The following KAZN variants were observed in gnomAD, a reference collection of about 807,000 sequenced individuals.
The protein encoded by KAZN is kazrin, periplakin interacting protein.
KAZN carries 40 observed loss-of-function variants against 87.4 expected under a neutral mutation model. The ratio of observed to expected loss-of-function variants is 0.46; its 90% CI spans 0.36 to 0.60. The LOEUF (loss-of-function observed/expected upper bound fraction) is 0.60. KAZN is among the 20% of genes least tolerant of loss of function. KAZN has a pLI of 0.00. For synonymous variants in KAZN, 466 were observed against 458.3 expected, an observed-to-expected ratio of 1.02 and a Z score of -0.22; for missense variants, 898 against 1,073.9, an observed-to-expected ratio of 0.84 and a Z score of 2.29.
chr1:14,093,749 G>T (rs1357176464), intron 1 of KAZN, among the ~76,000 whole-genome samples: 4 of 152,162 alleles, frequency 2.6e-5, no homozygotes, highest in Non-Finnish European at 5.9e-5. Flanking sequence ...TGACACAAAA[G>T]TCTTCAGATT....
intron 1 of KAZN, among the ~76,000 whole-genome samples, chr1:13,994,604 T>C (rs1161782628): frequency 6.6e-6 from 1 of 152,128 alleles, no homozygotes; most frequent in East Asian, 1.9e-4. Flanking sequence ...TCCTAGGAAG[T>C]TTATAGTCTG....
chr1:14,130,428 T>TA (rs559165297), intron 1 of KAZN, among the ~76,000 whole-genome samples: 2 of 152,120 alleles, frequency 1.3e-5, no homozygotes, highest in South Asian at 2.1e-4. Flanking sequence ...TTTTTATTAT[T>TA]AAAAAAAATT....
chr1:14,516,183 G>C (rs1029148063), intron 2 of KAZN, among the ~76,000 whole-genome samples: 12 of 152,172 alleles, frequency 7.9e-5, no homozygotes, highest in African/African-American at 2.9e-4. Flanking sequence ...TTCTTTGATG[G>C]TGCTGAAGGT....
intron 2 of KAZN, among the ~76,000 whole-genome samples, chr1:15,011,717 C>T (rs1158960601): frequency 6.6e-6 from 1 of 152,188 alleles, no homozygotes; most frequent in Non-Finnish European, 1.5e-5. Context: ...AGACCTTACT[C>T]TCTTCCATTT....
At chr1:14,464,555 T>C (rs1668016907) in intron 2 of KAZN, among the ~76,000 whole-genome samples, 1 of 152,026 alleles carries the variant, frequency 6.6e-6, no homozygotes, top group South Asian at 2.1e-4. Flanking sequence ...TTCTTTTTTT[T>C]TGAGATGGCG....
intron 1 of KAZN, among the ~76,000 whole-genome samples, chr1:14,764,213 A>G (rs10927544): frequency 0.26 from 38,752 of 151,828 alleles, 5,646 homozygotes; most frequent in African/African-American, 0.4. Context: ...CTGGGACCTC[A>G]GGCCTTTGCA....
At chr1:14,931,794 C>T (rs532741665) in intron 1 of KAZN, among the ~76,000 whole-genome samples, 123 of 152,282 alleles carry the variant, frequency 8.1e-4, no homozygotes, top group African/African-American at 2.8e-3. Flanking sequence ...AGCACAGGGA[C>T]GATTCACAGG....
intron 1 of KAZN, among the ~76,000 whole-genome samples, chr1:14,823,638 T>TAGGGAGACAAAAAGAAAGA (rs1646799588): frequency 6.6e-6 from 1 of 151,850 alleles, no homozygotes; most frequent in African/African-American, 2.4e-5. Flanking sequence ...CTGTGCCACA[T>TAGGGAGACAAAAAGAAAGA]AGGGAGACAA....
At chr1:14,606,555 C>T (rs1464830553) in intron 1 of KAZN, among the ~76,000 whole-genome samples, 1 of 152,100 alleles carries the variant, frequency 6.6e-6, no homozygotes, top group Non-Finnish European at 1.5e-5. Context: ...AAGGATGAGT[C>T]CAGGCAAAGC....
intron 2 of KAZN, among the ~76,000 whole-genome samples, chr1:14,363,073 C>T (rs1450963485): frequency 6.6e-6 from 1 of 152,166 alleles, no homozygotes; most frequent in African/African-American, 2.4e-5. Context: ...AACTGGCTCT[C>T]TGGCTCTAGA....
At chr1:14,912,022 G>A (rs1657304551) in intron 1 of KAZN, among the ~76,000 whole-genome samples, 2 of 151,604 alleles carry the variant, frequency 1.3e-5, no homozygotes, top group South Asian at 4.2e-4. Context: ...TGTGGTGACG[G>A]GCACCTGTAA....
intron 1 of KAZN, among the ~76,000 whole-genome samples, chr1:14,695,510 C>CTTTTTTTTTTTTTTTTTTTTTTTTTTT (rs112667110): frequency 0.019 from 1,580 of 84,634 alleles, 319 homozygotes; most frequent in Non-Finnish European, 0.031. Context: ...TACATTCCAT[C>CTTTTTTTTTTTTTTTTTTTTTTTTTTT]TTTTTTTTTT....
chr1:14,439,047 C>T (rs1017946191), intron 2 of KAZN, among the ~76,000 whole-genome samples: 1 of 152,232 alleles, frequency 6.6e-6, no homozygotes, highest in Non-Finnish European at 1.5e-5. Flanking sequence ...AAACTCCAGG[C>T]TCTTACAGCC....
intron 1 of KAZN, among the ~76,000 whole-genome samples, chr1:14,623,689 A>T (rs1186802514): frequency 6.6e-6 from 1 of 152,210 alleles, no homozygotes; most frequent in African/African-American, 2.4e-5. Flanking sequence ...AGTGCCATGA[A>T]ATTTCCTGAA....
At chr1:14,481,325 C>G (rs1453545991) in intron 2 of KAZN, among the ~76,000 whole-genome samples, 7 of 152,082 alleles carry the variant, frequency 4.6e-5, no homozygotes, top group African/African-American at 1.7e-4. Context: ...AAGCACTGGA[C>G]ATATAATAAG....
chr1:13,948,717 T>A (rs891586868), intron 1 of KAZN, among the ~76,000 whole-genome samples: 2 of 152,124 alleles, frequency 1.3e-5, no homozygotes, highest in Non-Finnish European at 2.9e-5. Context: ...ACAATCTTTT[T>A]CCTGTTGCAA....
chr1:13,959,098 T>C (rs1384344713), intron 1 of KAZN, among the ~76,000 whole-genome samples: 1 of 152,148 alleles, frequency 6.6e-6, no homozygotes, highest in Non-Finnish European at 1.5e-5. Flanking sequence ...TGATTGCAGG[T>C]GTCTCCCAAG....
intron 1 of KAZN, among the ~76,000 whole-genome samples, chr1:13,984,019 AT>A (rs35607110): frequency 7.4e-5 from 11 of 149,046 alleles, no homozygotes; most frequent in African/African-American, 1.2e-4. Context: ...TTTATTTTCT[AT>A]TTTTTTTTTG....
intron 1 of KAZN, among the ~76,000 whole-genome samples, chr1:13,934,285 T>C (rs751551782): frequency 2.0e-4 from 31 of 152,090 alleles, no homozygotes; most frequent in Non-Finnish European, 2.5e-4. Flanking sequence ...TGAGCCTCCA[T>C]TGGGGCACTG....
Sources: gnomAD v4.1 joint callset for allele counts (sites outside exome capture counted in the v4.1 genomes callset) on GRCh38, gnomAD v4.1.1 for gene constraint, MANE v1.5 for transcripts, NCBI Gene and HGNC (gene_info 2026-07-23, HGNC 2026-07-21) for gene names.